Variants in TMEM131 observed in about 807,000 individuals in gnomAD.
TMEM131 encodes 2610524E03Rik.
Under a neutral mutation model 211.6 loss-of-function variants are expected in TMEM131, and 66 were observed. That is an observed-to-expected ratio of 0.31 (90% CI 0.26 to 0.38). The LOEUF (loss-of-function observed/expected upper bound fraction) is 0.38, where lower values mean the gene tolerates loss of function less well. Among genes scored for constraint, TMEM131 ranks in the 10% least tolerant of loss-of-function variants. The probability of loss-of-function intolerance (pLI) is 1.00; values close to 1 mark genes in which losing one functional copy is unlikely to be tolerated. For synonymous variants in TMEM131, 844 were observed against 841.3 expected (o/e 1.00, Z -0.06); for missense variants, 2,036 against 2,299.3 (o/e 0.89, Z 2.34).
intron 17 of TMEM131, among the ~76,000 whole-genome samples, chr2:97,811,543 G>A (rs940965533): frequency 1.3e-5 from 2 of 152,134 alleles, no homozygotes; most frequent in Non-Finnish European, 2.9e-5. Flanking sequence ...TGGAGCAGAG[G>A]GACACAGCCT....
At chr2:97,762,397 G>A in intron 35 of TMEM131, 197 bp from the exon 36 acceptor site, 1 of 536,252 alleles carries the variant, frequency 1.9e-6, no homozygotes, top group South Asian at 2.1e-5. Context: ...GGGATTTGAG[G>A]GGAGCAAGAG....
At position 97,756,820 on chromosome 2, in the gene TMEM131, C is replaced by T. The variant is rs768024043; in HGVS notation, c.*279G>A. 1.5e-5 allele frequency: 4 copies of T among 271,466 alleles called. No individual in the cohort carries two copies. The highest frequency in any genetic ancestry group is 2.7e-5 in the Non-Finnish European group (4 of 146,540). The allele number at this position is 271,466 out of a possible 1,614,324, so 16.8% of individuals were successfully genotyped here. A position where few individuals can be genotyped will look rare whatever the true frequency, so the allele number is the denominator to read the frequency against. On this transcript the variant is annotated 3_prime_UTR_variant, in exon 41 of 41. Coordinates refer to ENST00000186436, the MANE Select transcript of TMEM131 (RefSeq NM_015348.2). ...ATGGGGAAGACAGGTGGTGAAAACG[C>T]AGTAACGGGAAAGGTTCTCAGATGT...
At chr2:97,873,043 C>T (rs541720629) in intron 4 of TMEM131, among the ~76,000 whole-genome samples, 1 of 152,304 alleles carries the variant, frequency 6.6e-6, no homozygotes, top group Admixed American at 6.5e-5. Flanking sequence ...CAACCTGTGA[C>T]AATGGAGCTT....
intron 31 of TMEM131, among the ~76,000 whole-genome samples, chr2:97,782,058 G>A (rs918716403): frequency 6.6e-6 from 1 of 152,232 alleles, no homozygotes; most frequent in African/African-American, 2.4e-5. Flanking sequence ...GCAGGGAGCT[G>A]AGCCTTTCAT....
intron 3 of TMEM131, among the ~76,000 whole-genome samples, chr2:97,892,363 T>C (rs1184501581): frequency 1.3e-5 from 2 of 152,136 alleles, no homozygotes; most frequent in African/African-American, 4.8e-5. Context: ...TGATGATCAT[T>C]TTTTCTTTTT....
chr2:97,981,811 G>GT, intron 1 of TMEM131, among the ~76,000 whole-genome samples: 1 of 152,190 alleles, frequency 6.6e-6, no homozygotes, highest in Middle Eastern at 3.4e-3. Context: ...GTCTTATATG[G>GT]TCTTTTGTGA....
At chr2:97,853,622 A>G (rs1025445854) in intron 5 of TMEM131, among the ~76,000 whole-genome samples, 1 of 151,712 alleles carries the variant, frequency 6.6e-6, no homozygotes, top group African/African-American at 2.4e-5. Flanking sequence ...AAAAAAAAAA[A>G]AAAGAACATT....
chr2:97,852,340 T>C (rs962787266), intron 5 of TMEM131, among the ~76,000 whole-genome samples: 1 of 152,088 alleles, frequency 6.6e-6, no homozygotes, highest in Non-Finnish European at 1.5e-5. Flanking sequence ...GTATTTTTAG[T>C]AGAGATGGGG....
intron 11 of TMEM131, 22 bp downstream of exon 11, chr2:97,833,343 G>GAA: frequency 9.3e-7 from 1 of 1,077,870 alleles, no homozygotes. Context: ...TAAATTAGGG[G>GAA]AAAAAAGAAG....
intron 4 of TMEM131, among the ~76,000 whole-genome samples, chr2:97,866,161 G>A (rs572669506): frequency 3.0e-4 from 46 of 152,310 alleles, no homozygotes; most frequent in East Asian, 7.7e-4. Flanking sequence ...GATTACAGGC[G>A]TGAGCCGCCG....
At chr2:97,757,897 CCGACGTGGG>C (rs1678585719) in intron 40 of TMEM131, among the ~76,000 whole-genome samples, 1 of 152,178 alleles carries the variant, frequency 6.6e-6, no homozygotes, top group Non-Finnish European at 1.5e-5. Context: ...CTTTGGGAGG[CCGACGTGGG>C]CGGATCACGA....
At chr2:97,788,244 C>T (rs1265849442) in intron 31 of TMEM131, among the ~76,000 whole-genome samples, 18 of 152,194 alleles carry the variant, frequency 1.2e-4, no homozygotes, top group Admixed American at 1.1e-3. Context: ...CAGTGGCCCT[C>T]GGCTGGGCCT....
At chr2:97,954,806 CAAAAAAAAAAAA>C (rs778680522) in intron 1 of TMEM131, among the ~76,000 whole-genome samples, 5 of 37,056 alleles carry the variant, frequency 1.3e-4, no homozygotes, top group African/African-American at 6.1e-4. Flanking sequence ...AACTCCATCT[CAAAAAAAAAAAA>C]AAAAAAAAAA....
intron 2 of TMEM131, among the ~76,000 whole-genome samples, chr2:97,920,570 T>A (rs1273131495): frequency 2.6e-5 from 4 of 152,216 alleles, no homozygotes; most frequent in African/African-American, 7.2e-5. Context: ...GTTATTAGAA[T>A]CAATAAGTAA....
At chr2:97,939,285 G>A (rs565576315) in intron 1 of TMEM131, among the ~76,000 whole-genome samples, 1 of 152,124 alleles carries the variant, frequency 6.6e-6, no homozygotes, top group African/African-American at 2.4e-5. Flanking sequence ...CCTCTAGCAA[G>A]ACTAATAAAG....
Position 97,842,719 on chromosome 2 carries a change from T to C in TMEM131, c.601-782A>G, listed in dbSNP as rs187604156. Among the ~76,000 whole-genome samples the C allele has an allele frequency of 2.7e-3, 410 of 152,282 alleles. 6 individuals are homozygous for C. Among genetic ancestry groups the C allele is most frequent in the Non-Finnish European group, 4.1e-3 (282 of 68,014 alleles). On this transcript the variant is annotated intron_variant, in intron 6 of 40. Coordinates refer to ENST00000186436, the MANE Select transcript of TMEM131 (RefSeq NM_015348.2). ...GGTAAAGAAAGAAGACAGCTGGCCA[T>C]TGGGGTCACCTTGAGAACAACCTGA...
intron 1 of TMEM131, among the ~76,000 whole-genome samples, chr2:97,954,671 TG>T (rs540633077): frequency 3.3e-3 from 500 of 152,048 alleles, no homozygotes; most frequent in Non-Finnish European, 5.8e-3. Context: ...CTGGGCGTGG[TG>T]GCGTGCGCCT....
chr2:97,963,327 T>C (rs1678904383), intron 1 of TMEM131, among the ~76,000 whole-genome samples: 1 of 152,220 alleles, frequency 6.6e-6, no homozygotes, highest in Non-Finnish European at 1.5e-5. Context: ...TATTAATTTC[T>C]TGTATGTTAA....
chr2:97,995,513 C>T lies in TMEM131; in HGVS notation c.150G>A (p.Met50Ile), dbSNP rs1231141767. The change falls in exon 1 of 41, where the codon ATG (methionine) becomes ATA (isoleucine). Residue 50 changes from methionine to isoleucine, a missense_variant. Coordinates refer to ENST00000186436, the MANE Select transcript of TMEM131 (RefSeq NM_015348.2). ...CCCGCGCCGCAGCCACTACGAGGGT[C>T]ATCACCAGGTGCAGCGCGCCTAGGA... ...AGLLGALHLV[M>I]TLVVAAARAE... 2 of 1,410,860 alleles carry T rather than the reference C, an allele frequency of 1.4e-6. No homozygotes were observed. The highest frequency in any genetic ancestry group is 1.9e-6 in the Non-Finnish European group (2 of 1,076,704). 87.4% of individuals were successfully genotyped at this position (1,410,860 alleles called of 1,614,324 possible).
Sources: allele counts gnomAD v4.1 joint callset (sites outside exome capture counted in the v4.1 genomes callset), GRCh38; gene constraint gnomAD v4.1.1; transcripts MANE v1.5; gene names NCBI Gene and HGNC (gene_info 2026-07-23, HGNC 2026-07-21).